Variants in GTF2IRD2B observed in about 807,000 individuals in gnomAD.
GTF2IRD2B encodes GTF2I repeat domain containing 2B, also known as general transcription factor II-I repeat domain-containing protein 2B.
A neutral mutation model predicts 55.6 loss-of-function variants in GTF2IRD2B; 10 were observed. The observed-to-expected ratio is 0.18, with a 90% CI of 0.11 to 0.31. The LOEUF (loss-of-function observed/expected upper bound fraction) is 0.31, where lower values mean the gene tolerates loss of function less well. Among genes scored for constraint, GTF2IRD2B ranks in the 10% least tolerant of loss-of-function variants. The probability of loss-of-function intolerance (pLI) is 1.00; values close to 1 mark genes in which losing one functional copy is unlikely to be tolerated. For missense variants in GTF2IRD2B, 206 were observed against 802.7 expected (o/e 0.26, Z 8.98); for synonymous variants, 107 against 320.5 (o/e 0.33, Z 7.12).
intron 11 of GTF2IRD2B, among the ~76,000 whole-genome samples, chr7:75,137,201 T>TAA (rs71223479): frequency 1.5e-4 from 19 of 129,170 alleles, no homozygotes; most frequent in South Asian, 2.4e-4. Context: ...AGATTCCATC[T>TAA]AAAAAAAAAA....
At chr7:75,101,893 CAAAAAAA>C (rs1243907524) in intron 1 of GTF2IRD2B, among the ~76,000 whole-genome samples, 7 of 78,420 alleles carry the variant, frequency 8.9e-5, no homozygotes, top group African/African-American at 2.0e-4. Flanking sequence ...GACCCCATCT[CAAAAAAA>C]AAAAAAAAAA....
At chr7:75,130,553 C>A (rs1808641406) in intron 8 of GTF2IRD2B, among the ~76,000 whole-genome samples, 1 of 151,938 alleles carries the variant, frequency 6.6e-6, no homozygotes, top group Non-Finnish European at 1.5e-5. Context: ...TCTCAGCTCA[C>A]TGCAACTTCC....
intron 3 of GTF2IRD2B, among the ~76,000 whole-genome samples, chr7:75,117,853 C>T (rs1298916225): frequency 6.6e-6 from 1 of 152,258 alleles, no homozygotes; most frequent in Non-Finnish European, 1.5e-5. Flanking sequence ...TAGGCTGAGG[C>T]TGGCGGATCA....
chr7:75,137,252 GTA>G (rs2115834812), intron 11 of GTF2IRD2B, among the ~76,000 whole-genome samples: 2 of 150,870 alleles, frequency 1.3e-5, no homozygotes, highest in East Asian at 3.8e-4. Flanking sequence ...CTCTAATGTA[GTA>G]TAATGTGTAT....
In GTF2IRD2B at chr7:75,149,381, A is replaced by T. The variant is rs181717619; in HGVS notation, c.*84A>T. On this transcript the variant is annotated 3_prime_UTR_variant, in exon 16 of 16. Coordinates refer to ENST00000472837, the MANE Select transcript of GTF2IRD2B (RefSeq NM_001003795.3). Reference sequence around the variant, plus strand: ...AAGGGATTGGGAGATGACAAAATGAATTTTTTTTTTCTTTTTTGAGATGGA... The same window carrying T: ...AAGGGATTGGGAGATGACAAAATGATTTTTTTTTTTCTTTTTTGAGATGGA... The T allele has an allele frequency of 2.1e-3, 1,596 of 774,092 alleles. 27 individuals are homozygous for T. In the African/African-American group the frequency reaches 0.025, roughly 12 times the overall value. The allele number at this position is 774,092 out of a possible 1,614,324, so 48.0% of individuals were successfully genotyped here.
intron 3 of GTF2IRD2B, among the ~76,000 whole-genome samples, chr7:75,114,551 C>T (rs1297119233): frequency 3.3e-5 from 5 of 150,926 alleles, no homozygotes; most frequent in Non-Finnish European, 5.9e-5. Context: ...CATAGTACCC[C>T]GTAGTTCATT....
At position 75,092,591 on chromosome 7, in the gene GTF2IRD2B, G is replaced by A. The variant is rs1466355643; in HGVS notation, c.-180G>A. On this transcript the variant is annotated 5_prime_UTR_variant, in exon 1 of 16. Coordinates refer to ENST00000472837, the MANE Select transcript of GTF2IRD2B (RefSeq NM_001003795.3). Reference sequence around the variant, plus strand: ...AGGGGGGAAAAGGGGGGGAAAGAAAGAAAGAGAAAAAGGAGGGCGAGTGGC... The same window carrying A: ...AGGGGGGAAAAGGGGGGGAAAGAAAAAAAGAGAAAAAGGAGGGCGAGTGGC... 4 of 152,650 alleles carry A rather than the reference G, an allele frequency of 2.6e-5. No individual in the cohort carries two copies. The highest frequency in any genetic ancestry group is 2.9e-5 in the Non-Finnish European group (2 of 68,192). The allele number at this position is 152,650 out of a possible 1,614,324, so 9.5% of individuals were successfully genotyped here. A position where few individuals can be genotyped will look rare whatever the true frequency, so the allele number is the denominator to read the frequency against.
At chr7:75,107,305 G>A (rs1375667485) in intron 1 of GTF2IRD2B, among the ~76,000 whole-genome samples, 1 of 152,188 alleles carries the variant, frequency 6.6e-6, no homozygotes, top group East Asian at 1.9e-4. Flanking sequence ...GCCGGGCGCG[G>A]TGGCTCACGC....
intron 15 of GTF2IRD2B, among the ~76,000 whole-genome samples, chr7:75,147,492 G>A (rs1434383528): frequency 2.0e-5 from 3 of 152,000 alleles, no homozygotes; most frequent in Non-Finnish European, 2.9e-5. Flanking sequence ...TGAAGATCTG[G>A]CCACAGCTGG....
At chr7:75,104,800 T>C (rs1289672327) in intron 1 of GTF2IRD2B, among the ~76,000 whole-genome samples, 1 of 152,276 alleles carries the variant, frequency 6.6e-6, no homozygotes, top group African/African-American at 2.4e-5. Flanking sequence ...CATGGCTGGA[T>C]GCCGCTTTTG....
Position 75,123,173 on chromosome 7 carries a change from C to A in GTF2IRD2B, c.396C>A (p.Pro132=), listed in dbSNP as rs782365803. The A allele has an allele frequency of 6.5e-7, 1 of 1,537,072 alleles. No homozygotes were observed. The highest frequency in any genetic ancestry group is 8.7e-7 in the Non-Finnish European group (1 of 1,144,276). ...GGACAACAGTGATGGTGCCTGTTCC[C>A]TATGAGAAGATGCTGCGAGACCAGT... The part of the protein sequence containing the change: ...ALGTTVMVPV[P]YEKMLRDQSA... Residue 132 remains proline, a synonymous_variant, in exon 5 of 16, where the codon CCC becomes CCA. Coordinates refer to ENST00000472837, the MANE Select transcript of GTF2IRD2B (RefSeq NM_001003795.3).
At chr7:75,114,008 T>G (rs1221438104) in intron 3 of GTF2IRD2B, among the ~76,000 whole-genome samples, 3 of 149,584 alleles carry the variant, frequency 2.0e-5, no homozygotes, top group African/African-American at 7.4e-5. Flanking sequence ...TATATATATA[T>G]GTATGTAGAT....
chr7:75,123,230 C>T lies in GTF2IRD2B; in HGVS notation c.453C>T (p.Gly151=). 4 of 1,473,724 alleles carry T rather than the reference C, an allele frequency of 2.7e-6. No individual in the cohort carries two copies. Among genetic ancestry groups the T allele is most frequent in the Non-Finnish European group, 3.6e-6 (4 of 1,096,372 alleles). 91.3% of individuals were successfully genotyped at this position (1,473,724 alleles called of 1,614,324 possible). Reference sequence around the variant, plus strand: ...TGGTAGTGCAGGGGCTTCCGGAAGGCGTTGCCTTTCAACACCCTGAGAATT... The same window carrying T: ...TGGTAGTGCAGGGGCTTCCGGAAGGTGTTGCCTTTCAACACCCTGAGAATT... The part of the protein sequence containing the change: ...SAVVVQGLPE[G]VAFQHPENYD... The change falls in exon 5 of 16, where the codon GGC becomes GGT. Residue 151 remains glycine, a synonymous_variant. Transcript: ENST00000472837.
chr7:75,106,892 T>A (rs1301764917), intron 1 of GTF2IRD2B, among the ~76,000 whole-genome samples: 1 of 140,614 alleles, frequency 7.1e-6, no homozygotes, highest in Non-Finnish European at 1.6e-5. Flanking sequence ...GCCACTGCAC[T>A]CCAGACTGGG....
At chr7:75,101,977 C>A (rs2115678796) in intron 1 of GTF2IRD2B, among the ~76,000 whole-genome samples, 1 of 149,452 alleles carries the variant, frequency 6.7e-6, no homozygotes. Context: ...CAGAGTTGTA[C>A]AACTATCATC....
At chr7:75,102,755 C>T (rs373551964) in intron 1 of GTF2IRD2B, among the ~76,000 whole-genome samples, 14,800 of 150,690 alleles carry the variant, frequency 0.098, 221 homozygotes, top group Middle Eastern at 0.24. Flanking sequence ...GTCGGGAGTT[C>T]GAGACCAGCC....
intron 8 of GTF2IRD2B, among the ~76,000 whole-genome samples, chr7:75,130,137 C>CT (rs587646245): frequency 3.4e-4 from 37 of 108,010 alleles, no homozygotes; most frequent in South Asian, 1.3e-3. Context: ...TTCTTTCTTT[C>CT]TTTCTTTCTT....
chr7:75,130,631 C>T (rs1808644708), intron 8 of GTF2IRD2B, among the ~76,000 whole-genome samples: 1 of 150,894 alleles, frequency 6.6e-6, no homozygotes, highest in Non-Finnish European at 1.5e-5. Context: ...GTGCCCACCA[C>T]CACACCTGGC....
In GTF2IRD2B at chr7:75,126,852, C is replaced by G. The variant is rs191214213; in HGVS notation, c.670+467C>G. On this transcript the variant is annotated intron_variant, in intron 8 of 15. Coordinates refer to ENST00000472837, the MANE Select transcript of GTF2IRD2B (RefSeq NM_001003795.3). ...TCTCTACTAAAATACAAAAAATTAG[C>G]TGGGCATGGTCGTGTGCGCCTGTAG... 8.1e-3 allele frequency among the ~76,000 whole-genome samples: 1,226 copies of G among 150,556 alleles called. 36 individuals are homozygous for G. The highest frequency in any genetic ancestry group is 0.024 in the Middle Eastern group (7 of 292).
Sources: gnomAD v4.1 joint callset for allele counts (sites outside exome capture counted in the v4.1 genomes callset) on GRCh38, gnomAD v4.1.1 for gene constraint, MANE v1.5 for transcripts, NCBI Gene and HGNC (gene_info 2026-07-23, HGNC 2026-07-21) for gene names.